The following MAP1B variants were observed in gnomAD, a reference collection of about 807,000 sequenced individuals.
The protein encoded by MAP1B is microtubule associated protein 1B.
In MAP1B, 12 loss-of-function variants were observed where a neutral mutation model predicts 176.1. The ratio of observed to expected loss-of-function variants is 0.07; its 90% CI spans 0.04 to 0.11. The LOEUF is 0.11. Among genes scored for constraint, MAP1B ranks in the 10% least tolerant of loss-of-function variants. The pLI, the probability that MAP1B is intolerant of heterozygous loss-of-function variation, is 1.00. For missense variants in MAP1B, 2,523 were observed against 2,990.5 expected, an observed-to-expected ratio of 0.84 and a Z score of 3.65; for synonymous variants, 1,044 against 1,135.0, an observed-to-expected ratio of 0.92 and a Z score of 1.61.
At position 72,197,629 on chromosome 5, in the gene MAP1B, C is replaced by T; in HGVS notation, c.4274C>T (p.Ala1425Val). 1 of 1,614,162 alleles carries T rather than the reference C, an allele frequency of 6.2e-7. No individual in the cohort carries two copies. Among genetic ancestry groups the T allele is most frequent in the Non-Finnish European group, 8.5e-7 (1 of 1,180,034 alleles). ...GATGACAAGGCTTCTGGCAGAGGTGCCGAAAGTCCTTTTGAAGAAAAGAGT... is the reference window on the plus strand; with the variant it reads ...GATGACAAGGCTTCTGGCAGAGGTGTCGAAAGTCCTTTTGAAGAAAAGAGT... ...SADDKASGRG[A>V]ESPFEEKSGK... Residue 1425 changes from alanine to valine, a missense_variant, in exon 5 of 7, where the codon GCC becomes GTC. Physicochemically the swap from Ala to Val is moderately conservative, Grantham distance 64. Coordinates refer to ENST00000296755, the MANE Select transcript of MAP1B (RefSeq NM_005909.5).
In MAP1B at chr5:72,194,855, A is replaced by C. The variant is rs1747111417; in HGVS notation, c.1500A>C (p.Glu500Asp). 4 of 1,614,080 alleles carry C rather than the reference A, an allele frequency of 2.5e-6. No homozygotes were observed. The highest frequency in any genetic ancestry group is 3.3e-5 in the Admixed American group (2 of 60,012). The part of the protein sequence containing the change: ...PGNSTQYNIL[E>D]GLEKLKHLDF... ...ACAGCACCCAGTACAACATCCTGGA[A>C]GGGTTGGAAAAGCTCAAACATCTAG... Residue 500 changes from glutamate (E) to aspartate (D), a missense_variant, in exon 5 of 7, where the codon GAA (glutamate) becomes GAC (aspartate). By Grantham distance (45) the Glu-to-Asp change is conservative (BLOSUM62 2). Coordinates refer to ENST00000296755, the MANE Select transcript of MAP1B (RefSeq NM_005909.5). This position sits in a 1 kb window ranked among gnomAD's most constrained non-coding sequence, Gnocchi z 7.2.
At chr5:72,141,497 T>C (rs1227669226) in intron 2 of MAP1B, among the ~76,000 whole-genome samples, 1 of 152,212 alleles carries the variant, frequency 6.6e-6, no homozygotes. Flanking sequence ...CTTGAAATCA[T>C]AAATGCATTG....
intron 1 of MAP1B, among the ~76,000 whole-genome samples, chr5:72,108,538 G>C (rs992856112): frequency 2.0e-5 from 3 of 152,226 alleles, no homozygotes; most frequent in African/African-American, 7.2e-5. Flanking sequence ...CACCAGTGGC[G>C]CGCTCTGCGG....
At chr5:72,163,928 T>TC (rs1746376122) in intron 2 of MAP1B, among the ~76,000 whole-genome samples, 5 of 99,042 alleles carry the variant, frequency 5.0e-5, no homozygotes, top group African/African-American at 1.4e-4. Flanking sequence ...TTTTTTTTTT[T>TC]TCTTTTTTTT....
At chr5:72,187,379 G>A (rs10037731) in intron 4 of MAP1B, among the ~76,000 whole-genome samples, 5 of 152,166 alleles carry the variant, frequency 3.3e-5, no homozygotes, top group Non-Finnish European at 5.9e-5. Flanking sequence ...GAAGTTAGTC[G>A]TATTTTGTAA....
chr5:72,116,409 G>A (rs1310743592), intron 2 of MAP1B: 1 of 412,910 alleles, frequency 2.4e-6, no homozygotes, highest in Non-Finnish European at 4.7e-6. Flanking sequence ...TGTTAAAATA[G>A]CCTTTTTTTC....
At chr5:72,144,427 C>A (rs930958169) in intron 2 of MAP1B, among the ~76,000 whole-genome samples, 1 of 152,078 alleles carries the variant, frequency 6.6e-6, no homozygotes, top group African/African-American at 2.4e-5. Context: ...TTTAAGTTTT[C>A]TTTTCAGAGA....
rs1168511953 is a variant in MAP1B, at chr5:72,199,254, C to T, written c.5899C>T (p.Pro1967Ser). Residue 1967 changes from proline (P) to serine (S), a missense_variant, in exon 5 of 7, where the codon CCC becomes TCC. By Grantham distance (74) the Pro-to-Ser change is moderately conservative. Transcript: ENST00000296755. The surrounding 1 kb of genome is among the most constrained non-coding windows in gnomAD (Gnocchi z 4.2). ...YDISEKTTSP[P>S]EVSGYSYEKT... Reference sequence around the variant, plus strand: ...CATAAGTGAAAAGACCACCAGCCCCCCCGAAGTGAGTGGTTACAGCTATGA... The same window carrying T: ...CATAAGTGAAAAGACCACCAGCCCCTCCGAAGTGAGTGGTTACAGCTATGA... 1 of 1,614,000 alleles carries T rather than the reference C, an allele frequency of 6.2e-7. No individual in the cohort carries two copies. Among genetic ancestry groups the T allele is most frequent in the Admixed American group, 1.7e-5 (1 of 60,004 alleles).
intron 2 of MAP1B, among the ~76,000 whole-genome samples, chr5:72,178,236 C>T (rs550615607): frequency 6.6e-6 from 1 of 152,312 alleles, no homozygotes; most frequent in East Asian, 1.9e-4. Context: ...CTCCTGACCT[C>T]AAGTGATCCA....
chr5:72,118,876 T>G (rs1450283769), intron 2 of MAP1B, among the ~76,000 whole-genome samples: 2 of 152,360 alleles, frequency 1.3e-5, no homozygotes, highest in African/African-American at 4.8e-5. Context: ...TGATAGCTTT[T>G]GTTGTTTTTT....
At chr5:72,156,428 C>T (rs1579999061) in intron 2 of MAP1B, among the ~76,000 whole-genome samples, 1 of 152,118 alleles carries the variant, frequency 6.6e-6, no homozygotes, top group Non-Finnish European at 1.5e-5. Flanking sequence ...AAAACGTAAA[C>T]AAAAACAAGG....
At chr5:72,179,684 C>A in intron 2 of MAP1B, 1 of 985,498 alleles carries the variant, frequency 1.0e-6, no homozygotes, top group South Asian at 4.7e-5. Flanking sequence ...ATCTGGCCAA[C>A]AGTCTGGCCG....
intron 2 of MAP1B, among the ~76,000 whole-genome samples, chr5:72,147,375 A>G (rs563806016): frequency 6.6e-6 from 1 of 152,172 alleles, no homozygotes; most frequent in African/African-American, 2.4e-5. Flanking sequence ...CTGGGGCAAT[A>G]TCTTGAAGGT....
chr5:72,200,292 G>A lies in MAP1B; in HGVS notation c.6937G>A (p.Gly2313Arg), dbSNP rs1280439339. 4.3e-6 allele frequency: 7 copies of A among 1,614,230 alleles called. No individual in the cohort carries two copies. The highest frequency in any genetic ancestry group is 5.9e-6 in the Non-Finnish European group (7 of 1,180,046). The change falls in exon 5 of 7, where the codon GGG (glycine) becomes AGG (arginine). Residue 2313 changes from glycine (G) to arginine (R), a missense_variant. By Grantham distance (125) the Gly-to-Arg change is moderately radical (BLOSUM62 -2). Transcript: ENST00000296755. ...TTTPEVKAARGEEKDKETKNA... is the reference protein window; with the variant it reads ...TTTPEVKAARREEKDKETKNA... ...CACTCCTGAGGTCAAAGCTGCACGTGGGGAAGAGAAAGACAAGGAGACCAA... is the reference window on the plus strand; with the variant it reads ...CACTCCTGAGGTCAAAGCTGCACGTAGGGAAGAGAAAGACAAGGAGACCAA...
At position 72,204,975 on chromosome 5, in the gene MAP1B, C is replaced by A; in HGVS notation, c.7252-109C>A. 4.8e-6 allele frequency: 3 copies of A among 621,744 alleles called. No homozygotes were observed. The highest frequency in any genetic ancestry group is 6.9e-5 in the South Asian group (2 of 28,812). The allele number at this position is 621,744 out of a possible 1,614,324, so 38.5% of individuals were successfully genotyped here. A position where few individuals can be genotyped will look rare whatever the true frequency, so the allele number is the denominator to read the frequency against. Reference sequence around the variant, plus strand: ...TTCTTGAGGAAAATAGAAAAGTTTTCTCTCATTTCCCTTCTTCTTCCAGTG... The same window carrying A: ...TTCTTGAGGAAAATAGAAAAGTTTTATCTCATTTCCCTTCTTCTTCCAGTG... On this transcript the variant is annotated intron_variant, in intron 6 of 6. Coordinates refer to ENST00000296755, the MANE Select transcript of MAP1B (RefSeq NM_005909.5). This position sits in a 1 kb window ranked among gnomAD's most constrained non-coding sequence, Gnocchi z 4.4.
chr5:72,111,760 AG>A (rs1745347029), intron 1 of MAP1B, among the ~76,000 whole-genome samples: 2 of 152,296 alleles, frequency 1.3e-5, no homozygotes, highest in South Asian at 2.1e-4. Flanking sequence ...ACCTTCTCTA[AG>A]GGCTTACTTT....
At chr5:72,167,935 T>C (rs1414129543) in intron 2 of MAP1B, among the ~76,000 whole-genome samples, 1 of 152,216 alleles carries the variant, frequency 6.6e-6, no homozygotes, top group East Asian at 1.9e-4. Context: ...CTTCTGTCAT[T>C]TAAGAATTAT....
chr5:72,144,848 G>T (rs60438342), intron 2 of MAP1B, among the ~76,000 whole-genome samples: 3,228 of 152,276 alleles, frequency 0.021, 114 homozygotes, highest in African/African-American at 0.074. Context: ...TGACTAGAAA[G>T]GCATGAGAAG....
At position 72,200,027 on chromosome 5, in the gene MAP1B, C is replaced by A. The variant is rs1430955900; in HGVS notation, c.6672C>A (p.Ala2224=). The A allele has an allele frequency of 6.2e-7, 1 of 1,614,182 alleles. No homozygotes were observed. Among genetic ancestry groups the A allele is most frequent in the East Asian group, 2.2e-5 (1 of 44,888 alleles). Residue 2224 remains alanine, a synonymous_variant, in exon 5 of 7, where the codon GCC becomes GCA. Transcript: ENST00000296755. ...ATGTGTCCATGGTGGACCCAGAGGC[C>A]TTGGCCATTGAGCAGAACCTGGGCA... ...HPDVSMVDPE[A]LAIEQNLGKA...
Sources: allele counts gnomAD v4.1 joint callset (sites outside exome capture counted in the v4.1 genomes callset), GRCh38; gene constraint gnomAD v4.1.1; non-coding constraint Gnocchi (gnomAD v3.1); transcripts MANE v1.5; gene names NCBI Gene and HGNC (gene_info 2026-07-23, HGNC 2026-07-21).